The following KCNH1 variants were observed in gnomAD, a reference collection of about 807,000 sequenced individuals.
KCNH1 encodes voltage-gated delayed rectifier potassium channel KCNH1.
In KCNH1, 27 loss-of-function variants were observed where a neutral mutation model predicts 69.2. That is an observed-to-expected ratio of 0.39 (90% CI 0.29 to 0.54). KCNH1 has a LOEUF of 0.54. Ranked by LOEUF, KCNH1 falls within the 20% of genes least tolerant of loss-of-function variation. The probability of loss-of-function intolerance (pLI) is 0.68; values close to 1 mark genes in which losing one functional copy is unlikely to be tolerated. For synonymous variants in KCNH1, 456 were observed against 487.7 expected, an observed-to-expected ratio of 0.93 and a Z score of 0.86; for missense variants, 798 against 1,261.6, an observed-to-expected ratio of 0.63 and a Z score of 5.57.
At position 210,791,706 on chromosome 1, in the gene KCNH1, C is replaced by G. The variant is rs1255615911; in HGVS notation, c.1915+5802G>C. The stretch of plus-strand genomic sequence containing the variant: ...TGTCACTAGCCATGCATTTGTCTCA[C>G]CACATGTAACAGAACATTCCTCCAA... On this transcript the variant is annotated intron_variant, in intron 9 of 10. Transcript: ENST00000271751. 2.0e-5 allele frequency among the ~76,000 whole-genome samples: 3 copies of G among 152,168 alleles called. No homozygotes were observed. The East Asian group carries it at 5.8e-4, about 29-fold the overall frequency.
In KCNH1 at chr1:210,815,616, C is replaced by T. The variant is rs1175801698; in HGVS notation, c.1463-11450G>A. Among the ~76,000 whole-genome samples, 2 of 152,210 alleles carry T rather than the reference C, an allele frequency of 1.3e-5. 1 individual carries two copies. The highest frequency in any genetic ancestry group is 1.3e-4 in the Admixed American group (2 of 15,276). Reference sequence around the variant, plus strand: ...GCCCCACTCCACCAGATACTCTCTACAGGGCTAGTTCACCTAACTCCTGAA... The same window carrying T: ...GCCCCACTCCACCAGATACTCTCTATAGGGCTAGTTCACCTAACTCCTGAA... On this transcript the variant is annotated intron_variant, in intron 7 of 10. Coordinates refer to ENST00000271751, the MANE Select transcript of KCNH1 (RefSeq NM_172362.3).
chr1:210,874,520 GATA>G lies in KCNH1; in HGVS notation c.1462+45117_1462+45119del, dbSNP rs749030007. On this transcript the variant is annotated intron_variant, in intron 7 of 10. Transcript: ENST00000271751. ...AAGGTCTCATGGAAACATGAACAGG[GATA>G]TTCATCACAGCACTATTCACAAATA... 1.1e-3 allele frequency among the ~76,000 whole-genome samples: 174 copies of G among 152,230 alleles called. 2 individuals carry two copies. Among genetic ancestry groups the G allele is most frequent in the Non-Finnish European group, 2.1e-3 (144 of 68,012 alleles).
chr1:210,760,748 A>T (rs1379070047), intron 10 of KCNH1, among the ~76,000 whole-genome samples: 1 of 152,222 alleles, frequency 6.6e-6, no homozygotes, highest in Non-Finnish European at 1.5e-5. Flanking sequence ...GGGCTTGTGC[A>T]GGGAGATTCC....
Position 210,978,399 on chromosome 1 carries a change from T to C in KCNH1, c.1032+40384A>G, listed in dbSNP as rs531766960. On this transcript the variant is annotated intron_variant, in intron 6 of 10. Transcript: ENST00000271751. Reference sequence around the variant, plus strand: ...TTGAACATGTTTATAATAATTTCTTTGAAGAATTGGTCTGCTAAACCCAAC... The same window carrying C: ...TTGAACATGTTTATAATAATTTCTTCGAAGAATTGGTCTGCTAAACCCAAC... Among the ~76,000 whole-genome samples the C allele has an allele frequency of 7.9e-5, 12 of 152,330 alleles. 1 individual carries two copies. The highest frequency in any genetic ancestry group is 5.2e-4 in the Admixed American group (8 of 15,296).
intron 10 of KCNH1, among the ~76,000 whole-genome samples, chr1:210,702,537 T>C (rs1293853138): frequency 1.3e-5 from 2 of 152,218 alleles, no homozygotes; most frequent in Non-Finnish European, 2.9e-5. Context: ...AATTTTTAAA[T>C]AGCATCCTGT....
chr1:211,112,104 C>T (rs1297330388), intron 1 of KCNH1, among the ~76,000 whole-genome samples: 2 of 139,026 alleles, frequency 1.4e-5, no homozygotes, highest in South Asian at 2.2e-4. Flanking sequence ...AAGTGAGGAG[C>T]GCCTCTGCCC....
chr1:211,045,585 T>C (rs1375969696), intron 5 of KCNH1, among the ~76,000 whole-genome samples: 1 of 152,182 alleles, frequency 6.6e-6, no homozygotes, highest in African/African-American at 2.4e-5. Context: ...CTTGAGGAAT[T>C]TGGAGATAAG....
chr1:210,836,551 T>C (rs1361288795), intron 7 of KCNH1, among the ~76,000 whole-genome samples: 2 of 152,020 alleles, frequency 1.3e-5, no homozygotes, highest in Non-Finnish European at 2.9e-5. Context: ...TCTAGCACTT[T>C]CCAAAAAAAG....
chr1:210,755,343 A>AG (rs11377234), intron 10 of KCNH1, among the ~76,000 whole-genome samples: 127,434 of 152,206 alleles, frequency 0.84, 53,439 homozygotes, highest in East Asian at 0.88. Flanking sequence ...CAACAAGCTT[A>AG]AGATGAAAGG....
intron 5 of KCNH1, among the ~76,000 whole-genome samples, chr1:211,053,235 C>G (rs188151813): frequency 6.6e-5 from 10 of 152,266 alleles, no homozygotes; most frequent in Non-Finnish European, 1.2e-4. Flanking sequence ...AGTAATCTAT[C>G]CTATTCATAA....
intron 10 of KCNH1, among the ~76,000 whole-genome samples, chr1:210,710,505 A>G (rs1682045841): frequency 6.6e-6 from 1 of 152,134 alleles, no homozygotes; most frequent in Non-Finnish European, 1.5e-5. Flanking sequence ...ATATAAATAA[A>G]ATTAAGTGTG....
intron 10 of KCNH1, among the ~76,000 whole-genome samples, chr1:210,720,742 C>T (rs1403590948): frequency 6.6e-6 from 1 of 152,164 alleles, no homozygotes; most frequent in African/African-American, 2.4e-5. Flanking sequence ...ATCCCTTTCT[C>T]AAGGGACTCT....
intron 7 of KCNH1, among the ~76,000 whole-genome samples, chr1:210,862,959 C>T (rs1257268483): frequency 6.6e-6 from 1 of 152,162 alleles, no homozygotes; most frequent in Admixed American, 6.5e-5. Context: ...AAACCAAATA[C>T]TAACTGTGAT....
rs758350552 is a variant in KCNH1, at chr1:210,683,684, G to T, written c.2567C>A (p.Ala856Asp). Residue 856 changes from alanine to aspartate, a missense_variant, in exon 11 of 11, where the codon GCT becomes GAT. Physicochemically the swap from Ala to Asp is moderately radical, Grantham distance 126 (BLOSUM62 -2). Coordinates refer to ENST00000271751, the MANE Select transcript of KCNH1 (RefSeq NM_172362.3). The surrounding 1 kb of genome is among the most constrained non-coding windows in gnomAD (Gnocchi z 5.7). ...CTCGGGAAGTGTCTCCATCGACTCA[G>T]CCTTGGACACCTTGTTCCAGTCCTC... ...KSEDWNKVSKAESMETLPERT... is the reference protein window; with the variant it reads ...KSEDWNKVSKDESMETLPERT... The T allele has an allele frequency of 6.2e-7, 1 of 1,614,224 alleles. No individual in the cohort carries two copies. Among genetic ancestry groups the T allele is most frequent in the Non-Finnish European group, 8.5e-7 (1 of 1,180,050 alleles).
chr1:210,863,836 G>T (rs1428613643), intron 7 of KCNH1, among the ~76,000 whole-genome samples: 1 of 152,070 alleles, frequency 6.6e-6, no homozygotes, highest in African/African-American at 2.4e-5. Context: ...AGAGCTTTAG[G>T]TGCTCCACAC....
chr1:210,721,360 G>C (rs150801480), intron 10 of KCNH1, among the ~76,000 whole-genome samples: 2 of 152,148 alleles, frequency 1.3e-5, no homozygotes, highest in Admixed American at 6.5e-5. Context: ...ATTCTTCAGC[G>C]CAAGAGTTCT....
intron 6 of KCNH1, among the ~76,000 whole-genome samples, chr1:210,984,982 G>A (rs1688800025): frequency 6.6e-6 from 1 of 152,162 alleles, no homozygotes; most frequent in African/African-American, 2.4e-5. Flanking sequence ...GGTCTATTCA[G>A]AGATTCCATT....
chr1:211,068,802 G>A (rs1690580595), intron 5 of KCNH1, among the ~76,000 whole-genome samples: 1 of 152,168 alleles, frequency 6.6e-6, no homozygotes, highest in Non-Finnish European at 1.5e-5. Context: ...GGCCCGAGCA[G>A]ACAGGCATGA....
intron 9 of KCNH1, among the ~76,000 whole-genome samples, chr1:210,791,808 G>A (rs1321660621): frequency 1.3e-5 from 2 of 152,208 alleles, no homozygotes; most frequent in East Asian, 1.9e-4. Flanking sequence ...AATAGATGCC[G>A]CAGTAATATC....
Sources: gnomAD v4.1 joint callset for allele counts (sites outside exome capture counted in the v4.1 genomes callset) on GRCh38, gnomAD v4.1.1 for gene constraint, Gnocchi (gnomAD v3.1) non-coding constraint, MANE v1.5 for transcripts, NCBI Gene and HGNC (gene_info 2026-07-23, HGNC 2026-07-21) for gene names.